RIMS2: variants seen among roughly 807,000 people sequenced by gnomAD.
RIMS2 encodes the protein regulating synaptic membrane exocytosis protein 2.
In RIMS2, 59 loss-of-function variants were observed where a neutral mutation model predicts 174.4. The observed-to-expected ratio is 0.34, with a 90% confidence interval of 0.27 to 0.42. The LOEUF (loss-of-function observed/expected upper bound fraction) is 0.42, where lower values mean the gene tolerates loss of function less well. Among genes scored for constraint, RIMS2 ranks in the 10% least tolerant of loss-of-function variants. The probability of loss-of-function intolerance (pLI) is 1.00; values close to 1 mark genes in which losing one functional copy is unlikely to be tolerated. For synonymous variants in RIMS2, 606 were observed against 572.5 expected, an observed-to-expected ratio of 1.06 and a Z score of -0.84; for missense variants, 1,620 against 1,666.3, an observed-to-expected ratio of 0.97 and a Z score of 0.48.
intron 1 of RIMS2, among the ~76,000 whole-genome samples, chr8:103,684,965 AT>A (rs1395869997): frequency 2.0e-5 from 3 of 152,152 alleles, no homozygotes; most frequent in Non-Finnish European, 4.4e-5. Flanking sequence ...GTCACAAAGA[AT>A]TTCTTGAATG....
chr8:104,115,616 C>T (rs1263181017), intron 19 of RIMS2, among the ~76,000 whole-genome samples: 2 of 152,010 alleles, frequency 1.3e-5, no homozygotes, highest in African/African-American at 4.8e-5. Context: ...TTCTCCAGAC[C>T]ATATTACATT....
rs981088286 is a variant in RIMS2 at position 103,755,423 on chromosome 8, C to T, written c.388-10804C>T. ...TTATGTGTCTTGGGGTTGCTCTTCTCGAGCAGTATCTTTATGGTGTTCTTT... is the reference window on the plus strand; with the variant it reads ...TTATGTGTCTTGGGGTTGCTCTTCTTGAGCAGTATCTTTATGGTGTTCTTT... On this transcript the variant is annotated intron_variant, in intron 2 of 23. Transcript: ENST00000504942. Among the ~76,000 whole-genome samples, 8 of 152,160 alleles carry T rather than the reference C, an allele frequency of 5.3e-5. No individual in the cohort carries two copies. The South Asian group carries it at 1.2e-3, about 24-fold the overall frequency.
chr8:103,632,274 C>T (rs1007850460), intron 1 of RIMS2, among the ~76,000 whole-genome samples: 5 of 152,094 alleles, frequency 3.3e-5, no homozygotes, highest in African/African-American at 1.2e-4. Context: ...TCATAGATGA[C>T]TCTTATTATT....
At chr8:103,563,497 G>A (rs577270213) in intron 1 of RIMS2, among the ~76,000 whole-genome samples, 1 of 152,238 alleles carries the variant, frequency 6.6e-6, no homozygotes, top group Admixed American at 6.5e-5. Flanking sequence ...CTTCAGCCTG[G>A]ATTTCATTGT....
At chr8:104,217,071 C>G (rs568419515) in intron 19 of RIMS2, among the ~76,000 whole-genome samples, 1 of 152,200 alleles carries the variant, frequency 6.6e-6, no homozygotes, top group African/African-American at 2.4e-5. Context: ...AACTACTCTG[C>G]TTTTATAACT....
chr8:104,209,375 T>TA (rs1233607420), intron 19 of RIMS2, among the ~76,000 whole-genome samples: 10 of 152,160 alleles, frequency 6.6e-5, no homozygotes, highest in African/African-American at 1.7e-4. Context: ...TTGTAGGTGC[T>TA]AAAAAAATCT....
At chr8:103,963,560 T>C (rs555271056) in intron 15 of RIMS2, among the ~76,000 whole-genome samples, 3 of 152,282 alleles carry the variant, frequency 2.0e-5, no homozygotes, top group African/African-American at 7.2e-5. Flanking sequence ...TAGGGCAGCA[T>C]TAGGTTTATA....
chr8:104,211,803 C>T (rs888800024), intron 19 of RIMS2, among the ~76,000 whole-genome samples: 2 of 152,064 alleles, frequency 1.3e-5, no homozygotes, highest in African/African-American at 4.8e-5. Flanking sequence ...CGTGAGCCAC[C>T]GCGCGTGACT....
At chr8:104,243,057 T>C (rs1297496360) in intron 19 of RIMS2, among the ~76,000 whole-genome samples, 1 of 152,216 alleles carries the variant, frequency 6.6e-6, no homozygotes, top group Admixed American at 6.5e-5. Flanking sequence ...TTATGTAAAA[T>C]TTAATGCTTT....
At position 103,931,398 on chromosome 8, in the gene RIMS2, G is replaced by A. The variant is rs775902473; in HGVS notation, c.2375+5G>A. ...TTACTTTCTTCCAGACAGAAGGTAA[G>A]GATATAAAACAAAATAAATGTTCTG... On this transcript the variant is annotated splice_donor_5th_base_variant and intron_variant, in intron 12 of 23. Transcript: ENST00000504942. The A allele has an allele frequency of 6.4e-7, 1 of 1,572,788 alleles. No individual in the cohort carries two copies. Among genetic ancestry groups the A allele is most frequent in the East Asian group, 2.3e-5 (1 of 44,134 alleles).
chr8:103,684,430 A>G (rs992452564), intron 1 of RIMS2, among the ~76,000 whole-genome samples: 1 of 152,152 alleles, frequency 6.6e-6, no homozygotes, highest in African/African-American at 2.4e-5. Flanking sequence ...TTGTAATTGT[A>G]AAAACAACAT....
At chr8:104,195,583 C>T (rs186068099) in intron 19 of RIMS2, among the ~76,000 whole-genome samples, 90 of 149,816 alleles carry the variant, frequency 6.0e-4, no homozygotes, top group East Asian at 2.0e-3. Flanking sequence ...GGCACGATCT[C>T]GACTCACTGC....
intron 19 of RIMS2, among the ~76,000 whole-genome samples, chr8:104,115,543 T>A (rs752476372): frequency 6.6e-6 from 1 of 152,156 alleles, no homozygotes; most frequent in South Asian, 2.1e-4. Flanking sequence ...AATAGGAAAG[T>A]GAACATAGAA....
At chr8:104,224,432 A>G (rs56049239) in intron 19 of RIMS2, among the ~76,000 whole-genome samples, 30,917 of 152,210 alleles carry the variant, frequency 0.2, 3,403 homozygotes, top group Middle Eastern at 0.26. Flanking sequence ...TTTGAATAAC[A>G]TAACATGTAT....
chr8:104,048,603 C>T (rs1337380936), intron 19 of RIMS2, among the ~76,000 whole-genome samples: 1 of 152,076 alleles, frequency 6.6e-6, no homozygotes, highest in Non-Finnish European at 1.5e-5. Flanking sequence ...GTTCACTAAG[C>T]ATTATTTGTA....
chr8:103,832,460 G>A (rs1451353432), intron 3 of RIMS2, among the ~76,000 whole-genome samples: 1 of 151,990 alleles, frequency 6.6e-6, no homozygotes, highest in Admixed American at 6.6e-5. Flanking sequence ...GGGGTTTGTT[G>A]TACAGATTAT....
chr8:103,938,329 T>G (rs1468920376), intron 13 of RIMS2, among the ~76,000 whole-genome samples: 4 of 152,086 alleles, frequency 2.6e-5, no homozygotes, highest in Non-Finnish European at 5.9e-5. Context: ...GCAAGTCACG[T>G]CTTACATGGA....
At chr8:103,614,679 C>T (rs932568418) in intron 1 of RIMS2, among the ~76,000 whole-genome samples, 8 of 152,200 alleles carry the variant, frequency 5.3e-5, no homozygotes, top group Non-Finnish European at 1.2e-4. Flanking sequence ...CCTTTCTACT[C>T]AAGTTTCCAA....
At chr8:103,708,539 G>A (rs1173226676) in intron 2 of RIMS2, among the ~76,000 whole-genome samples, 1 of 151,996 alleles carries the variant, frequency 6.6e-6, no homozygotes. Flanking sequence ...GTTGTTCAAA[G>A]TTGATGTTCT....
Sources: gnomAD v4.1 joint callset for allele counts (sites outside exome capture counted in the v4.1 genomes callset) on GRCh38, gnomAD v4.1.1 for gene constraint, MANE v1.5 for transcripts, NCBI Gene and HGNC (gene_info 2026-07-23, HGNC 2026-07-21) for gene names.